The following LONP1 variants were observed in gnomAD, a reference collection of about 807,000 sequenced individuals.
The protein encoded by LONP1 is lon peptidase 1, mitochondrial, also known as lon protease homolog, mitochondrial.
A neutral mutation model predicts 98.5 loss-of-function variants in LONP1; 31 were observed. That is an observed-to-expected ratio of 0.31 (90% CI 0.24 to 0.42). LONP1 has a LOEUF of 0.42. Among genes scored for constraint, LONP1 ranks in the 20% least tolerant of loss-of-function variants. The pLI, the probability that LONP1 is intolerant of heterozygous loss-of-function variation, is 1.00. For synonymous variants in LONP1, 781 were observed against 594.7 expected (o/e 1.31, Z -4.56); for missense variants, 1,336 against 1,350.6 (o/e 0.99, Z 0.17).
At chr19:5,698,935 C>G (rs527498951) in intron 10 of LONP1, 92 bp downstream of exon 10, 38 of 1,345,264 alleles carry the variant, frequency 2.8e-5, no homozygotes, top group Non-Finnish European at 1.0e-6. Flanking sequence ...ACCCGGATTG[C>G]TCTACCAGAT....
chr19:5,707,571 T>G (rs1421407008), intron 6 of LONP1, 126 bp downstream of exon 6: 1 of 986,368 alleles, frequency 1.0e-6, no homozygotes, highest in Non-Finnish European at 1.5e-6. Context: ...TGGTGCACGG[T>G]GGAGGGACAA....
chr19:5,703,014 TAAA>T (rs75284257), intron 8 of LONP1, among the ~76,000 whole-genome samples: 2 of 112,338 alleles, frequency 1.8e-5, no homozygotes, highest in African/African-American at 6.7e-5. Context: ...GAATGATCAA[TAAA>T]AAAAAAAAAA....
At chr19:5,694,725 G>A (rs1003078001) in intron 14 of LONP1, 36 bp downstream of exon 14, 1 of 1,575,766 alleles carries the variant, frequency 6.3e-7, no homozygotes, top group African/African-American at 1.3e-5. Context: ...TGGTGAGGTG[G>A]GCGGCAGGTG....
rs527565499 is a variant in LONP1, at chr19:5,715,643, TAAAAAAAAAAAAAAA to T, written c.430-1387_430-1373del. ...GGCGACAGAGTGAGACTCTGTCTCA[TAAAAAAAAAAAAAAA>T]AAAAAAAAAAAAAAAAAAAAAGAAA... On this transcript the variant is annotated intron_variant, in intron 1 of 17. Coordinates refer to ENST00000360614, the MANE Select transcript of LONP1 (RefSeq NM_004793.4). Among the ~76,000 whole-genome samples, 106 of 31,102 alleles carry T rather than the reference TAAAAAAAAAAAAAAA, an allele frequency of 3.4e-3. 3 individuals carry two copies. The highest frequency in any genetic ancestry group is 0.011 in the African/African-American group (90 of 7,972). The allele number at this position is 31,102 out of a possible 152,430, so 20.4% of individuals were successfully genotyped here.
In LONP1 at chr19:5,700,930, G is replaced by A; in HGVS notation, c.1368-3C>T. 3 of 1,614,114 alleles carry A rather than the reference G, an allele frequency of 1.9e-6. No homozygotes were observed. The highest frequency in any genetic ancestry group is 2.2e-5 in the South Asian group (2 of 91,084). ...AGTCTAGGTAGTTGCGGGTGACACT[G>A]CCAGGGGACAGATGGAGAGATGCTG... On this transcript the variant is annotated splice_region_variant and splice_polypyrimidine_tract_variant and intron_variant, in intron 8 of 17. Coordinates refer to ENST00000360614, the MANE Select transcript of LONP1 (RefSeq NM_004793.4).
chr19:5,693,719 C>T lies in LONP1; in HGVS notation c.2371G>A (p.Asp791Asn), dbSNP rs1026035649. Residue 791 changes from aspartate to asparagine, a missense_variant, in exon 16 of 18, where the codon GAT (aspartate) becomes AAT (asparagine). Physicochemically the swap from Asp to Asn is conservative, Grantham distance 23. Coordinates refer to ENST00000360614, the MANE Select transcript of LONP1 (RefSeq NM_004793.4). ...ETSLRRPQDK[D>N]AKGDKDGSLE... ...CTGCCATCCTTGTCACCCTTGGCAT[C>T]CTTGTCCTGTGGCCGTCTCAGGGAT... 1 of 1,614,082 alleles carries T rather than the reference C, an allele frequency of 6.2e-7. No individual in the cohort carries two copies. The highest frequency in any genetic ancestry group is 8.5e-7 in the Non-Finnish European group (1 of 1,179,996).
At chr19:5,718,200 G>A (rs1183520346) in intron 1 of LONP1, among the ~76,000 whole-genome samples, 1 of 152,066 alleles carries the variant, frequency 6.6e-6, no homozygotes, top group Non-Finnish European at 1.5e-5. Flanking sequence ...CCTTGGGGCC[G>A]GGCGCAGTGA....
In LONP1 at chr19:5,708,391, C is replaced by A; in HGVS notation, c.883G>T (p.Glu295Ter). Residue 295 changes from glutamate (E) to a stop codon, truncating the protein, a stop_gained, in exon 5 of 18, where the codon GAG (glutamate) becomes TAG (stop). Coordinates refer to ENST00000360614, the MANE Select transcript of LONP1 (RefSeq NM_004793.4). LOFTEE classifies it high-confidence loss of function. ...ATGTCCCGGATGGTCTTCACGATCT[C>A]TGCAGTCAGGGCCTGCCAAGTATGG... ...VTEEVKALTA[E>*]IVKTIRDIIA... 1 of 1,575,638 alleles carries A rather than the reference C, an allele frequency of 6.3e-7. No homozygotes were observed. The highest frequency in any genetic ancestry group is 1.1e-5 in the South Asian group (1 of 90,534).
At chr19:5,698,294 A>G (rs551625648) in intron 10 of LONP1, among the ~76,000 whole-genome samples, 43 of 152,234 alleles carry the variant, frequency 2.8e-4, no homozygotes, top group African/African-American at 1.0e-3. Context: ...AGAAATGTTC[A>G]CTTTAAACCT....
intron 13 of LONP1, 104 bp downstream of exon 13, chr19:5,695,950 G>A: frequency 1.0e-6 from 1 of 991,588 alleles, no homozygotes; most frequent in East Asian, 2.6e-5. Context: ...GGTCCCACCT[G>A]TCTCTCCCGG....
At position 5,693,681 on chromosome 19, in the gene LONP1, T is replaced by G; in HGVS notation, c.2409A>C (p.Thr803=). Residue 803 remains threonine, a synonymous_variant, in exon 16 of 18, where the codon ACA becomes ACC. Transcript: ENST00000360614. ...CCTTCATCACCTCCCCCAGCTGGCC[T>G]GTCACCTCCAGGCTGCCATCCTTGT... ...KGDKDGSLEV[T]GQLGEVMKES... is the part of the protein sequence containing the mutation. The G allele has an allele frequency of 6.2e-7, 1 of 1,614,088 alleles. No homozygotes were observed. The highest frequency in any genetic ancestry group is 1.1e-5 in the South Asian group (1 of 91,084).
intron 15 of LONP1, 105 bp from the exon 16 acceptor site, chr19:5,693,874 C>G: frequency 1.1e-6 from 1 of 924,452 alleles, no homozygotes; most frequent in Non-Finnish European, 1.7e-6. Flanking sequence ...AGTTTAGCAT[C>G]TTGGTGCCCC....
At chr19:5,695,116 C>T (rs1042038859) in intron 13 of LONP1, among the ~76,000 whole-genome samples, 8 of 152,032 alleles carry the variant, frequency 5.3e-5, no homozygotes, top group Non-Finnish European at 1.5e-5. Flanking sequence ...CTTGGATCCA[C>T]TTCCTATCCC....
chr19:5,695,923 T>C (rs547000143), intron 13 of LONP1, 131 bp downstream of exon 13: 1,174 of 728,974 alleles, frequency 1.6e-3, no homozygotes, highest in Middle Eastern at 3.5e-3. Context: ...CACGGCCCCA[T>C]CTGCTCCTCG....
Position 5,719,930 on chromosome 19 carries a change from A to C in LONP1, c.203T>G (p.Phe68Cys). ...GPAIGGQWRG[F>C]WEASSRGGGA... ...TCCGCCGCGGCTGCTCGCTTCCCAA[A>C]ACCCCCGCCATTGGCCCCCAATTGC... is the stretch of plus-strand genomic sequence containing the variant. Residue 68 changes from phenylalanine to cysteine, a missense_variant, in exon 1 of 18, where the codon TTT becomes TGT. Around this residue, in one of 5 missense-constraint regions of LONP1, gnomAD observed 457 missense variants for 403.1 expected, o/e 1.13. Transcript: ENST00000360614. 1.3e-6 allele frequency: 2 copies of C among 1,553,840 alleles called. No homozygotes were observed. The highest frequency in any genetic ancestry group is 8.7e-7 in the Non-Finnish European group (1 of 1,150,968).
Position 5,719,871 on chromosome 19 carries a change from C to T in LONP1, c.262G>A (p.Gly88Ser), listed in dbSNP as rs2055404108. The change falls in exon 1 of 18, where the codon GGC becomes AGC. Residue 88 changes from glycine to serine, a missense_variant. Gly to Ser is a moderately conservative substitution (Grantham distance 56). Around this residue, in one of 5 missense-constraint regions of LONP1, gnomAD observed 457 missense variants for 403.1 expected, o/e 1.13. Transcript: ENST00000360614. ...AFSGGEDASE[G>S]GAEEGAGGAG... ...CCGCCGGCTCCTTCCTCCGCGCCGC[C>T]CTCGGAGGCGTCCTCGCCCCCCGAG... 4 of 1,589,478 alleles carry T rather than the reference C, an allele frequency of 2.5e-6. No individual in the cohort carries two copies. The highest frequency in any genetic ancestry group is 3.4e-6 in the Non-Finnish European group (4 of 1,168,448).
chr19:5,694,001 G>A (rs2054879214), intron 15 of LONP1, among the ~76,000 whole-genome samples: 1 of 152,170 alleles, frequency 6.6e-6, no homozygotes, highest in African/African-American at 2.4e-5. Flanking sequence ...AGCCACAGAG[G>A]ACACGCCCAG....
Position 5,691,920 on chromosome 19 carries a change from C to A in LONP1, c.*112G>T, listed in dbSNP as rs2054828776. ...GGTCCCTGGGATCTGGGTCACTGGA[C>A]CGAGCTGCTCGCTCGGTGGCTCCAC... On this transcript the variant is annotated 3_prime_UTR_variant, in exon 18 of 18. Coordinates refer to ENST00000360614, the MANE Select transcript of LONP1 (RefSeq NM_004793.4). The A allele has an allele frequency of 2.4e-6, 3 of 1,271,124 alleles. No homozygotes were observed. The highest frequency in any genetic ancestry group is 1.1e-6 in the Non-Finnish European group (1 of 923,518). 78.7% of individuals were successfully genotyped at this position (1,271,124 alleles called of 1,614,324 possible).
At chr19:5,701,590 C>G (rs1012862837) in intron 8 of LONP1, among the ~76,000 whole-genome samples, 1 of 152,246 alleles carries the variant, frequency 6.6e-6, no homozygotes, top group Non-Finnish European at 1.5e-5. Flanking sequence ...GCCTCGGCCT[C>G]CCGAGGTGCC....
Sources: gnomAD v4.1 joint callset for allele counts (sites outside exome capture counted in the v4.1 genomes callset) on GRCh38, gnomAD v4.1.1 for gene constraint, gnomAD v4.1.1 regional missense constraint, MANE v1.5 for transcripts, NCBI Gene and HGNC (gene_info 2026-07-23, HGNC 2026-07-21) for gene names.